The following CHKA variants were observed in gnomAD, a reference collection of about 807,000 sequenced individuals.
The protein encoded by CHKA is choline kinase alpha, also known as CHETK-alpha.
A neutral mutation model predicts 60.1 loss-of-function variants in CHKA; 34 were observed. The observed-to-expected ratio is 0.57, with a 90% CI of 0.43 to 0.75. The LOEUF is 0.75. Ranked by LOEUF, CHKA falls within the 30% of genes least tolerant of loss-of-function variation. The probability of loss-of-function intolerance (pLI) is 0.00; values close to 1 mark genes in which losing one functional copy is unlikely to be tolerated. For missense variants in CHKA, 563 were observed against 561.3 expected (o/e 1.00, Z -0.03); for synonymous variants, 217 against 223.1 (o/e 0.97, Z 0.24).
chr11:68,095,730 A>AAAC (rs1857489655), intron 2 of CHKA, among the ~76,000 whole-genome samples: 1 of 145,170 alleles, frequency 6.9e-6, no homozygotes, highest in East Asian at 2.0e-4. Flanking sequence ...AAAAAAAAAA[A>AAAC]AAAACAACAG....
chr11:68,113,269 G>C (rs1020514068), intron 1 of CHKA, among the ~76,000 whole-genome samples: 2 of 151,654 alleles, frequency 1.3e-5, no homozygotes, highest in African/African-American at 2.4e-5. Flanking sequence ...AATGTAGCAA[G>C]ACCCAGTTTC....
intron 1 of CHKA, among the ~76,000 whole-genome samples, chr11:68,116,188 C>T (rs1371764442): frequency 6.6e-6 from 1 of 152,176 alleles, no homozygotes; most frequent in Non-Finnish European, 1.5e-5. Flanking sequence ...TCCAACATTT[C>T]ATTCATTGAA....
intron 1 of CHKA, among the ~76,000 whole-genome samples, chr11:68,103,822 G>C (rs373317666): frequency 6.6e-6 from 1 of 151,866 alleles, no homozygotes; most frequent in Non-Finnish European, 1.5e-5. Context: ...GAGGAAGCAC[G>C]AGAATCACTT....
At chr11:68,079,037 G>A (rs929328032) in intron 3 of CHKA, among the ~76,000 whole-genome samples, 4 of 149,858 alleles carry the variant, frequency 2.7e-5, no homozygotes, top group Non-Finnish European at 4.4e-5. Context: ...GGGTTCATGC[G>A]ATTCTCCTGC....
In CHKA at chr11:68,070,303, A is replaced by T. The variant is rs758119438; in HGVS notation, c.765-10T>A. ...CACTTCCTTTAGATACCTATTAAAA[A>T]ATTTTCAAAAAAGAACAGAACAAAG... On this transcript the variant is annotated splice_polypyrimidine_tract_variant and intron_variant, in intron 5 of 11. Transcript: ENST00000265689. The T allele has an allele frequency of 1.7e-5, 27 of 1,573,152 alleles. No individual in the cohort carries two copies. The highest frequency in any genetic ancestry group is 2.0e-5 in the Non-Finnish European group (23 of 1,144,008).
At chr11:68,067,752 C>G (rs932430665) in intron 7 of CHKA, among the ~76,000 whole-genome samples, 4 of 152,184 alleles carry the variant, frequency 2.6e-5, no homozygotes, top group Non-Finnish European at 5.9e-5. Flanking sequence ...CACCCCCTCA[C>G]CACCAGAAGG....
At chr11:68,086,269 G>A (rs1322728631) in intron 2 of CHKA, among the ~76,000 whole-genome samples, 5 of 152,034 alleles carry the variant, frequency 3.3e-5, no homozygotes, top group Non-Finnish European at 5.9e-5. Context: ...AGCCAAGATC[G>A]CGCCACTGCA....
chr11:68,121,322 G>GGCAGCT lies in CHKA; in HGVS notation c.-146_-145insAGCTGC. The GGCAGCT allele has an allele frequency of 9.2e-6, 4 of 434,812 alleles. No individual in the cohort carries two copies. The highest frequency in any genetic ancestry group is 1.2e-5 in the Non-Finnish European group (4 of 326,140). 26.9% of individuals were successfully genotyped at this position (434,812 alleles called of 1,614,324 possible). On this transcript the variant is annotated 5_prime_UTR_variant, in exon 1 of 12. Transcript: ENST00000265689. ...GCGGTTGGGCGCGCGGGGCGGCGGCGGCGGCTGCGGCGACTGCGGCGACTG... is the reference window on the plus strand; with the variant it reads ...GCGGTTGGGCGCGCGGGGCGGCGGCGGCAGCTGCGGCTGCGGCGACTGCGGCGACTG...
chr11:68,105,632 C>T (rs1857888588), intron 1 of CHKA, among the ~76,000 whole-genome samples: 1 of 150,644 alleles, frequency 6.6e-6, no homozygotes, highest in Admixed American at 6.6e-5. Flanking sequence ...TTTTTAGCAA[C>T]GGGGATATTT....
At chr11:68,087,879 G>A (rs766451238) in intron 2 of CHKA, among the ~76,000 whole-genome samples, 3 of 152,048 alleles carry the variant, frequency 2.0e-5, no homozygotes, top group Non-Finnish European at 2.9e-5. Flanking sequence ...TTGGGAGGCC[G>A]AGGTGGGTGG....
chr11:68,089,593 G>T (rs1179904686), intron 2 of CHKA, among the ~76,000 whole-genome samples: 1 of 152,122 alleles, frequency 6.6e-6, no homozygotes, highest in Non-Finnish European at 1.5e-5. Flanking sequence ...GGAAACAGAA[G>T]AAAGGAATCT....
intron 11 of CHKA, among the ~76,000 whole-genome samples, chr11:68,055,555 C>T (rs1419334943): frequency 6.6e-6 from 1 of 152,216 alleles, no homozygotes; most frequent in Non-Finnish European, 1.5e-5. Context: ...GCAGCGCATG[C>T]GCATTCCCAT....
At chr11:68,093,440 C>T (rs76712229) in intron 2 of CHKA, among the ~76,000 whole-genome samples, 168 of 152,248 alleles carry the variant, frequency 1.1e-3, no homozygotes, top group African/African-American at 3.9e-3. Flanking sequence ...TACCTCCTCC[C>T]CCCAAATTGG....
intron 3 of CHKA, among the ~76,000 whole-genome samples, chr11:68,080,058 T>C (rs1455246375): frequency 2.0e-5 from 3 of 152,222 alleles, no homozygotes; most frequent in African/African-American, 7.2e-5. Context: ...AACTGAAAAG[T>C]ACTTTGGATT....
intron 2 of CHKA, among the ~76,000 whole-genome samples, chr11:68,095,729 A>AAC (rs1857489269): frequency 2.1e-5 from 3 of 144,896 alleles, no homozygotes; most frequent in Non-Finnish European, 1.5e-5. Flanking sequence ...AAAAAAAAAA[A>AAC]AAAAACAACA....
chr11:68,064,737 C>G lies in CHKA; in HGVS notation c.1126-106G>C, dbSNP rs943191563. On this transcript the variant is annotated intron_variant, in intron 9 of 11. Coordinates refer to ENST00000265689, the MANE Select transcript of CHKA (RefSeq NM_001277.3). ...ACTGTGACACACTGGGAGACACACA[C>G]TCAACATGATGTTCAGCATCTCCGA... 5.9e-6 allele frequency: 4 copies of G among 674,694 alleles called. No individual in the cohort carries two copies. The African/African-American group carries it at 7.7e-5, about 13-fold the overall frequency. The allele number at this position is 674,694 out of a possible 1,614,324, so 41.8% of individuals were successfully genotyped here. A position where few individuals can be genotyped will look rare whatever the true frequency, so the allele number is the denominator to read the frequency against.
In CHKA at chr11:68,121,312, G is replaced by GGGC. The variant is rs879923414; in HGVS notation, c.-138_-136dup. ...GGGGGCCGCGGCGGTTGGGCGCGCG[G>GGGC]GGCGGCGGCGGCGGCTGCGGCGACT... is the stretch of plus-strand genomic sequence containing the variant. On this transcript the variant is annotated 5_prime_UTR_variant, in exon 1 of 12. Transcript: ENST00000265689. 42 of 491,984 alleles carry GGGC rather than the reference G, an allele frequency of 8.5e-5. No individual in the cohort carries two copies. In the East Asian group the frequency reaches 4.0e-3, roughly 47 times the overall value. 30.5% of individuals were successfully genotyped at this position (491,984 alleles called of 1,614,324 possible). A position where few individuals can be genotyped will look rare whatever the true frequency, so the allele number is the denominator to read the frequency against.
chr11:68,112,751 TAAAACTC>T (rs1490995875), intron 1 of CHKA, among the ~76,000 whole-genome samples: 1 of 152,100 alleles, frequency 6.6e-6, no homozygotes, highest in Non-Finnish European at 1.5e-5. Context: ...AAAGAACTCT[TAAAACTC>T]AAGAATAGGA....
chr11:68,079,194 A>G (rs1398699355), intron 3 of CHKA, among the ~76,000 whole-genome samples: 1 of 152,192 alleles, frequency 6.6e-6, no homozygotes, highest in African/African-American at 2.4e-5. Flanking sequence ...TCAGCCTCCC[A>G]AAGTGCTGGG....
Sources: gnomAD v4.1 joint callset for allele counts (sites outside exome capture counted in the v4.1 genomes callset) on GRCh38, gnomAD v4.1.1 for gene constraint, MANE v1.5 for transcripts, NCBI Gene and HGNC (gene_info 2026-07-23, HGNC 2026-07-21) for gene names.